The following USP35 variants were observed in gnomAD, a reference collection of about 807,000 sequenced individuals.
USP35 encodes ubiquitin specific peptidase 35.
Under a neutral mutation model 83.8 loss-of-function variants are expected in USP35, and 69 were observed. That is an observed-to-expected ratio of 0.82 (90% CI 0.68 to 1.01). USP35 has a LOEUF of 1.01. USP35 is among the 50% of genes least tolerant of loss of function. The pLI is 0.00. For synonymous variants in USP35, 714 were observed against 589.5 expected, an observed-to-expected ratio of 1.21 and a Z score of -3.06; for missense variants, 1,503 against 1,362.5, an observed-to-expected ratio of 1.10 and a Z score of -1.62.
chr11:78,215,611 C>G (rs954781866), downstream of USP35: 1 of 152,432 alleles, frequency 6.6e-6, no homozygotes, highest in East Asian at 1.9e-4. Context: ...GACAATTCTG[C>G]GTGAAATAAT....
At chr11:78,216,733 T>C (rs1864167494), downstream of USP35, 2 of 152,218 alleles carry the variant, frequency 1.3e-5, no homozygotes, top group African/African-American at 2.4e-5. Flanking sequence ...TGCTCACATG[T>C]TTATGGGAGG....
chr11:78,217,575 G>T (rs1457151800), downstream of USP35: 1 of 152,196 alleles, frequency 6.6e-6, no homozygotes, highest in Non-Finnish European at 1.5e-5. Context: ...TCGCCCCAGG[G>T]TAGAATGAAA....
the USP35 span, chr11:78,220,438 G>C: frequency 6.4e-7 from 1 of 1,572,378 alleles, no homozygotes. Context: ...GCAGACACTG[G>C]GTTTTGCTGT....
At chr11:78,193,457 G>T (rs1459590284) in intron 1 of USP35, among the ~76,000 whole-genome samples, 1 of 149,998 alleles carries the variant, frequency 6.7e-6, no homozygotes, top group Non-Finnish European at 1.5e-5. Flanking sequence ...TCCCCACCTC[G>T]GCCTCCCAGA....
At chr11:78,221,652 T>C in the USP35 span, 1 of 1,486,296 alleles carries the variant, frequency 6.7e-7, no homozygotes, top group East Asian at 2.3e-5. Context: ...AAAGGCGTCA[T>C]TCCAGCGAAG....
rs1300626939 is a variant in USP35 at position 78,197,066 on chromosome 11, C to T, written c.673+148C>T. 42 of 1,340,542 alleles carry T rather than the reference C, an allele frequency of 3.1e-5. No individual in the cohort carries two copies. The Admixed American group carries it at 1.2e-3, about 39-fold the overall frequency. The allele number at this position is 1,340,542 out of a possible 1,614,324, so 83.0% of individuals were successfully genotyped here. ...CGAATGCTCAGGTGGAGGGCTGCAGCCTGCCTTCATGTAGGTGACACAACT... is the reference window on the plus strand; with the variant it reads ...CGAATGCTCAGGTGGAGGGCTGCAGTCTGCCTTCATGTAGGTGACACAACT... On this transcript the variant is annotated intron_variant, in intron 2 of 10. Coordinates refer to ENST00000529308, the MANE Select transcript of USP35 (RefSeq NM_020798.4).
chr11:78,200,847 G>A, intron 6 of USP35, 39 bp downstream of exon 6: 1 of 1,562,034 alleles, frequency 6.4e-7, no homozygotes, highest in African/African-American at 1.4e-5. Context: ...GCCCCACTCT[G>A]ACAAAGGTAC....
At chr11:78,230,814 TGTG>T in the USP35 span, among the ~76,000 whole-genome samples, 1 of 152,354 alleles carries the variant, frequency 6.6e-6, no homozygotes, top group South Asian at 2.1e-4. Flanking sequence ...CATGCTAAAA[TGTG>T]GTCCCTTTGG....
chr11:78,215,870 G>A (rs1864112217), downstream of USP35: 1 of 152,726 alleles, frequency 6.5e-6, no homozygotes, highest in African/African-American at 2.4e-5. Flanking sequence ...AATGGGATAG[G>A]GGTGCTGGGC....
In USP35 at chr11:78,206,086, C is replaced by A. The variant is rs775767226; in HGVS notation, c.1391+51C>A. On this transcript the variant is annotated intron_variant, in intron 7 of 10. Transcript: ENST00000529308. ...TCTGCCCTTGCTTCTCTCCTCTGGG[C>A]TCCCTGATGACAGGTGGAAAGGTGT... is the stretch of plus-strand genomic sequence containing the variant. 1.0e-5 allele frequency: 16 copies of A among 1,577,396 alleles called. No individual in the cohort carries two copies. In the South Asian group the frequency reaches 1.0e-4, roughly 10 times the overall value.
At position 78,210,449 on chromosome 11, in the gene USP35, G is replaced by A. The variant is rs927974887; in HGVS notation, c.2594G>A (p.Cys865Tyr). 6.2e-7 allele frequency: 1 copy of A among 1,614,176 alleles called. No homozygotes were observed. The highest frequency in any genetic ancestry group is 8.5e-7 in the Non-Finnish European group (1 of 1,180,040). The change falls in exon 10 of 11, where the codon TGC becomes TAC. Residue 865 changes from cysteine to tyrosine, a missense_variant. By Grantham distance (194) the Cys-to-Tyr change is radical. Transcript: ENST00000529308. The stretch of plus-strand genomic sequence containing the variant: ...TCTTCGGAGAGTGGTCACTACTACT[G>A]CTATGCCCGTGAGGGCGCTGCCCGC... The part of the protein sequence containing the change: ...GVSSESGHYY[C>Y]YAREGAARPA...
the USP35 span, among the ~76,000 whole-genome samples, chr11:78,223,987 C>T: frequency 4.2e-4 from 64 of 152,232 alleles, no homozygotes; most frequent in African/African-American, 1.5e-3. Flanking sequence ...GAGGCTGAGG[C>T]ACGAGAATCG....
At chr11:78,207,388 C>T (rs1863562217) in intron 7 of USP35, 142 bp from the exon 8 acceptor site, 1 of 743,102 alleles carries the variant, frequency 1.3e-6, no homozygotes, top group South Asian at 1.7e-5. Flanking sequence ...TCCTCCCCAG[C>T]CCCTGGCTTC....
the USP35 span, among the ~76,000 whole-genome samples, chr11:78,235,694 C>T: frequency 1.3e-5 from 2 of 152,200 alleles, no homozygotes; most frequent in Non-Finnish European, 2.9e-5. Flanking sequence ...CACCTTTGCT[C>T]CAGTTGCCAA....
intron 10 of USP35, 113 bp from the exon 11 acceptor site, chr11:78,213,533 G>A (rs1863890667): frequency 8.8e-6 from 11 of 1,246,552 alleles, no homozygotes; most frequent in Non-Finnish European, 1.1e-5. Flanking sequence ...GTCTCTGTGT[G>A]TCCAGGCCCT....
chr11:78,224,490 G>A, the USP35 span, among the ~76,000 whole-genome samples: 1 of 152,188 alleles, frequency 6.6e-6, no homozygotes, highest in Non-Finnish European at 1.5e-5. Flanking sequence ...GCTGCAGTCA[G>A]AGCTTCTACA....
rs371668365 is a variant in USP35, at chr11:78,210,123, G to A, written c.2268G>A (p.Glu756=). The A allele has an allele frequency of 6.2e-5, 100 of 1,613,688 alleles. No homozygotes were observed. Among genetic ancestry groups the A allele is most frequent in the Admixed American group, 2.0e-4 (12 of 59,982 alleles). ...IPSGERTCGS[E]GSRSVLDLVN... The stretch of plus-strand genomic sequence containing the variant: ...CCGGGGAGCGGACATGTGGCTCTGA[G>A]GGCTCCCGCTCCGTCCTGGACCTGG... Residue 756 remains glutamate, a synonymous_variant, in exon 10 of 11, where the codon GAG becomes GAA. Transcript: ENST00000529308.
chr11:78,197,886 A>C, intron 2 of USP35, 50 bp from the exon 3 acceptor site: 1 of 1,590,746 alleles, frequency 6.3e-7, no homozygotes, highest in South Asian at 1.1e-5. Context: ...GTGCTGGGGG[A>C]AGGGAGGGGC....
At chr11:78,224,994 G>C in the USP35 span, 1 of 675,938 alleles carries the variant, frequency 1.5e-6, no homozygotes, top group Non-Finnish European at 2.6e-6. Context: ...ACTTGGGCAG[G>C]GTCCTAAGAT....
Sources: allele counts gnomAD v4.1 joint callset (sites outside exome capture counted in the v4.1 genomes callset), GRCh38; gene constraint gnomAD v4.1.1; transcripts MANE v1.5; gene names NCBI Gene and HGNC (gene_info 2026-07-23, HGNC 2026-07-21).